FUT9: variants seen among roughly 807,000 people sequenced by gnomAD.
The protein encoded by FUT9 is 4-galactosyl-N-acetylglucosaminide 3-alpha-L-fucosyltransferase 9.
Under a neutral mutation model 29.7 loss-of-function variants are expected in FUT9, and 15 were observed. The ratio of observed to expected loss-of-function variants is 0.51; its 90% CI spans 0.34 to 0.78. FUT9 has a LOEUF of 0.78. Ranked by LOEUF, FUT9 falls within the 30% of genes least tolerant of loss-of-function variation. The pLI, the probability that FUT9 is intolerant of heterozygous loss-of-function variation, is 0.01. For synonymous variants in FUT9, 169 were observed against 153.7 expected, an observed-to-expected ratio of 1.10 and a Z score of -0.74; for missense variants, 319 against 425.4, an observed-to-expected ratio of 0.75 and a Z score of 2.20.
chr6:96,176,028 C>T (rs995036620), intron 2 of FUT9, among the ~76,000 whole-genome samples: 1 of 152,230 alleles, frequency 6.6e-6, no homozygotes, highest in African/African-American at 2.4e-5. Context: ...CCTTCTGGAG[C>T]TGAGACATTC....
At chr6:96,062,352 C>T (rs979006376) in intron 1 of FUT9, among the ~76,000 whole-genome samples, 6 of 127,278 alleles carry the variant, frequency 4.7e-5, no homozygotes, top group African/African-American at 1.7e-4. Flanking sequence ...AGCTGAGAGT[C>T]AACCAATGAT....
chr6:96,125,625 G>A (rs946796173), intron 2 of FUT9, among the ~76,000 whole-genome samples: 56 of 152,114 alleles, frequency 3.7e-4, no homozygotes, highest in Non-Finnish European at 1.0e-4. Context: ...TTGGGTCAAG[G>A]ATACATAGGT....
At chr6:96,094,411 GAACACAT>G (rs1344930983) in intron 1 of FUT9, among the ~76,000 whole-genome samples, 2 of 152,116 alleles carry the variant, frequency 1.3e-5, no homozygotes, top group Admixed American at 1.3e-4. Context: ...ATGGCAAAGA[GAACACAT>G]AAAGCACTTT....
intron 1 of FUT9, among the ~76,000 whole-genome samples, chr6:96,022,870 G>A (rs925813205): frequency 2.0e-5 from 3 of 151,854 alleles, no homozygotes; most frequent in African/African-American, 4.8e-5. Flanking sequence ...TACCTGGTAC[G>A]TGTATATCCT....
At chr6:96,155,035 T>A (rs1772749877) in intron 2 of FUT9, among the ~76,000 whole-genome samples, 1 of 152,122 alleles carries the variant, frequency 6.6e-6, no homozygotes, top group Non-Finnish European at 1.5e-5. Context: ...GGCTCTCAAA[T>A]CACAAAAGCA....
intron 1 of FUT9, among the ~76,000 whole-genome samples, chr6:96,093,259 T>G (rs1288927471): frequency 1.3e-5 from 2 of 152,272 alleles, no homozygotes; most frequent in African/African-American, 4.8e-5. Flanking sequence ...CTACCAAATA[T>G]TTACTAAATT....
intron 2 of FUT9, among the ~76,000 whole-genome samples, chr6:96,193,311 AG>A (rs1426779365): frequency 7.2e-6 from 1 of 139,756 alleles, no homozygotes; most frequent in Non-Finnish European, 1.5e-5. Flanking sequence ...CATCTGACAA[AG>A]GGCTAATATC....
At chr6:96,159,575 T>G (rs1772859043) in intron 2 of FUT9, among the ~76,000 whole-genome samples, 1 of 152,182 alleles carries the variant, frequency 6.6e-6, no homozygotes, top group African/African-American at 2.4e-5. Flanking sequence ...CTAATTACAC[T>G]GACTAAATCT....
At chr6:96,117,264 A>T (rs746886411) in intron 2 of FUT9, among the ~76,000 whole-genome samples, 11 of 152,330 alleles carry the variant, frequency 7.2e-5, no homozygotes, top group Non-Finnish European at 1.5e-4. Flanking sequence ...AATTATAGAT[A>T]TTGGGAGATA....
intron 1 of FUT9, among the ~76,000 whole-genome samples, chr6:96,108,382 T>G (rs908829274): frequency 6.6e-6 from 1 of 152,170 alleles, no homozygotes; most frequent in Non-Finnish European, 1.5e-5. Flanking sequence ...CTTGGACAAA[T>G]TGCTTAACCT....
chr6:96,066,269 T>C (rs750084396), intron 1 of FUT9, among the ~76,000 whole-genome samples: 7 of 152,128 alleles, frequency 4.6e-5, no homozygotes, highest in Non-Finnish European at 8.8e-5. Flanking sequence ...TGATTTAGTA[T>C]GGTTCACATT....
chr6:96,162,981 G>C (rs963927631), intron 2 of FUT9, among the ~76,000 whole-genome samples: 1 of 152,162 alleles, frequency 6.6e-6, no homozygotes, highest in Admixed American at 6.5e-5. Context: ...TTGTCATGGA[G>C]ATTGCTCCAG....
rs1335383650 is a variant in FUT9 at position 96,207,533 on chromosome 6, C to T, written c.*3298C>T. 6.0e-6 allele frequency: 1 copy of T among 166,962 alleles called. No homozygotes were observed. The highest frequency in any genetic ancestry group is 2.4e-5 in the African/African-American group (1 of 41,426). 10.3% of individuals were successfully genotyped at this position (166,962 alleles called of 1,614,324 possible). ...TTCAGCAGAAGGAAATGGGCTATCA[C>T]TACATTTAAGTGAAATACAACCCTC... On this transcript the variant is annotated 3_prime_UTR_variant, in exon 3 of 3. Transcript: ENST00000302103.
At chr6:96,109,917 T>G (rs1018365516) in intron 1 of FUT9, among the ~76,000 whole-genome samples, 2 of 151,964 alleles carry the variant, frequency 1.3e-5, no homozygotes, top group Non-Finnish European at 2.9e-5. Context: ...GCACTATGGG[T>G]GTGAGGGGAA....
chr6:96,039,624 CCTCA>C (rs1770420908), intron 1 of FUT9, among the ~76,000 whole-genome samples: 1 of 152,114 alleles, frequency 6.6e-6, no homozygotes, highest in Non-Finnish European at 1.5e-5. Flanking sequence ...ACAGGGGCTT[CCTCA>C]GTCACCGTAT....
intron 2 of FUT9, among the ~76,000 whole-genome samples, chr6:96,135,639 G>T (rs577920044): frequency 2.0e-5 from 3 of 151,964 alleles, no homozygotes; most frequent in East Asian, 3.9e-4. Context: ...GAAAAAAAAG[G>T]TACCGGGGGA....
intron 2 of FUT9, among the ~76,000 whole-genome samples, chr6:96,146,096 C>T (rs1400523030): frequency 6.6e-6 from 1 of 152,128 alleles, no homozygotes; most frequent in African/African-American, 2.4e-5. Flanking sequence ...ACCTAAACCT[C>T]CCAGAGTGTT....
rs1031771073 is a variant in FUT9, at chr6:96,205,800, C to G, written c.*1565C>G. On this transcript the variant is annotated 3_prime_UTR_variant, in exon 3 of 3. Coordinates refer to ENST00000302103, the MANE Select transcript of FUT9 (RefSeq NM_006581.4). ...TATTCGTATTACAAATTGACATCAG[C>G]AAAATTCAAAAAGAATTCAGTAAAA... 1 of 166,646 alleles carries G rather than the reference C, an allele frequency of 6.0e-6. No homozygotes were observed. The highest frequency in any genetic ancestry group is 1.9e-4 in the East Asian group (1 of 5,198). 10.3% of individuals were successfully genotyped at this position (166,646 alleles called of 1,614,324 possible). A position where few individuals can be genotyped will look rare whatever the true frequency, so the allele number is the denominator to read the frequency against.
intron 1 of FUT9, among the ~76,000 whole-genome samples, chr6:96,022,527 A>G (rs749126672): frequency 1.6e-4 from 25 of 151,982 alleles, no homozygotes; most frequent in Non-Finnish European, 2.8e-4. Flanking sequence ...TAAGGTGAAT[A>G]TAGATCAAAT....
Sources: allele counts gnomAD v4.1 joint callset (sites outside exome capture counted in the v4.1 genomes callset), GRCh38; gene constraint gnomAD v4.1.1; transcripts MANE v1.5; gene names NCBI Gene and HGNC (gene_info 2026-07-23, HGNC 2026-07-21).